ATRNL1: variants seen among roughly 807,000 people sequenced by gnomAD.
The protein encoded by ATRNL1 is attractin-like protein 1.
In ATRNL1, 95 loss-of-function variants were observed where a neutral mutation model predicts 182.7. That is an observed-to-expected ratio of 0.52 (90% CI 0.44 to 0.62). The LOEUF is 0.62. Among genes scored for constraint, ATRNL1 ranks in the 20% least tolerant of loss-of-function variants. The probability of loss-of-function intolerance (pLI) is 0.00; values close to 1 mark genes in which losing one functional copy is unlikely to be tolerated. For missense variants in ATRNL1, 1,471 were observed against 1,679.5 expected (o/e 0.88, Z 2.17); for synonymous variants, 576 against 568.3 (o/e 1.01, Z -0.19).
intron 26 of ATRNL1, among the ~76,000 whole-genome samples, chr10:115,661,677 A>G (rs1435106107): frequency 6.6e-6 from 1 of 152,194 alleles, no homozygotes; most frequent in Non-Finnish European, 1.5e-5. Flanking sequence ...TTTCTGTCAT[A>G]CTAAAATTTC....
At chr10:115,478,567 A>G (rs1468266496) in intron 24 of ATRNL1, among the ~76,000 whole-genome samples, 5 of 151,730 alleles carry the variant, frequency 3.3e-5, no homozygotes, top group Admixed American at 3.3e-4. Flanking sequence ...GACTGATAAA[A>G]TTCAATAATC....
chr10:115,765,258 T>C (rs1262360773), intron 27 of ATRNL1, among the ~76,000 whole-genome samples: 1 of 152,200 alleles, frequency 6.6e-6, no homozygotes, highest in Non-Finnish European at 1.5e-5. Flanking sequence ...CCTTCCAAAA[T>C]GACTTTACCA....
rs1157745862 is a variant in ATRNL1, at chr10:115,621,276, T to TAGAGAG, written c.3795+71773_3795+71778dup. Among the ~76,000 whole-genome samples, 308 of 47,502 alleles carry TAGAGAG rather than the reference T, an allele frequency of 6.5e-3. 5 individuals are homozygous for TAGAGAG. The highest frequency in any genetic ancestry group is 0.015 in the South Asian group (14 of 952). The allele number at this position is 47,502 out of a possible 152,430, so 31.2% of individuals were successfully genotyped here. On this transcript the variant is annotated intron_variant, in intron 26 of 28. Transcript: ENST00000355044. The stretch of plus-strand genomic sequence containing the variant: ...CTGAATATATATATATATATATATA[T>TAGAGAG]AGAGAGAGAGAGAGAGAGAGAGAGA...
At chr10:115,323,878 C>T (rs986494483) in intron 18 of ATRNL1, among the ~76,000 whole-genome samples, 1 of 151,310 alleles carries the variant, frequency 6.6e-6, no homozygotes, top group Non-Finnish European at 1.5e-5. Flanking sequence ...CCCGGGTTCA[C>T]GCCATTCTCC....
At chr10:115,200,292 A>C (rs1323722631) in intron 8 of ATRNL1, among the ~76,000 whole-genome samples, 1 of 148,828 alleles carries the variant, frequency 6.7e-6, no homozygotes, top group African/African-American at 2.5e-5. Flanking sequence ...TTAGTTACAT[A>C]TGTATACATG....
At chr10:115,894,782 A>G (rs1589659409) in intron 28 of ATRNL1, among the ~76,000 whole-genome samples, 1 of 152,222 alleles carries the variant, frequency 6.6e-6, no homozygotes, top group African/African-American at 2.4e-5. Context: ...GTACAAAGGC[A>G]ACCATAATGG....
intron 17 of ATRNL1, among the ~76,000 whole-genome samples, chr10:115,312,603 A>G (rs1854090432): frequency 6.6e-6 from 1 of 152,132 alleles, no homozygotes; most frequent in Admixed American, 6.6e-5. Flanking sequence ...TGTTTGTGCA[A>G]TGAATCTCTC....
chr10:115,544,969 T>C (rs1057069500), intron 25 of ATRNL1, among the ~76,000 whole-genome samples: 5 of 152,194 alleles, frequency 3.3e-5, no homozygotes, highest in African/African-American at 1.2e-4. Flanking sequence ...TGTTTGTATG[T>C]ATATTTTTTA....
At chr10:115,606,660 G>A (rs1856891025) in intron 26 of ATRNL1, among the ~76,000 whole-genome samples, 1 of 151,944 alleles carries the variant, frequency 6.6e-6, no homozygotes, top group Non-Finnish European at 1.5e-5. Flanking sequence ...AATGGGGCAA[G>A]GTTATTGAGC....
chr10:115,622,181 C>T (rs782450472), intron 26 of ATRNL1, among the ~76,000 whole-genome samples: 1 of 152,186 alleles, frequency 6.6e-6, no homozygotes, highest in Non-Finnish European at 1.5e-5. Context: ...AAGGGATTTG[C>T]ACTTCCAGGA....
intron 28 of ATRNL1, among the ~76,000 whole-genome samples, chr10:115,892,675 C>T (rs1232585990): frequency 6.6e-6 from 1 of 152,132 alleles, no homozygotes; most frequent in East Asian, 1.9e-4. Flanking sequence ...AGTCATAGCA[C>T]TGCATACTAC....
intron 28 of ATRNL1, among the ~76,000 whole-genome samples, chr10:115,912,416 T>A (rs79516967): frequency 9.0e-4 from 134 of 148,126 alleles, no homozygotes; most frequent in East Asian, 3.6e-3. Flanking sequence ...ATATATATAT[T>A]TGTGTGTGTG....
intron 26 of ATRNL1, among the ~76,000 whole-genome samples, chr10:115,572,346 T>C (rs782150654): frequency 2.1e-4 from 32 of 152,050 alleles, no homozygotes; most frequent in South Asian, 1.5e-3. Flanking sequence ...TAGGTGGTAA[T>C]AGAGGTGGAG....
intron 21 of ATRNL1, among the ~76,000 whole-genome samples, chr10:115,456,401 G>A (rs183904551): frequency 2.7e-4 from 41 of 152,140 alleles, no homozygotes; most frequent in Admixed American, 2.4e-3. Context: ...ACCAAACACC[G>A]CATGTTCTCA....
intron 19 of ATRNL1, among the ~76,000 whole-genome samples, chr10:115,379,412 A>T (rs1181611010): frequency 6.6e-6 from 1 of 152,176 alleles, no homozygotes; most frequent in East Asian, 1.9e-4. Context: ...AGCTCACAAA[A>T]AGTTAGCGTC....
intron 25 of ATRNL1, among the ~76,000 whole-genome samples, chr10:115,537,672 C>CT (rs1231842718): frequency 6.6e-6 from 1 of 152,004 alleles, no homozygotes. Context: ...AATTACTTGC[C>CT]TTTTTTTCCA....
chr10:115,718,873 A>G (rs1947333810), intron 26 of ATRNL1, among the ~76,000 whole-genome samples: 2 of 152,334 alleles, frequency 1.3e-5, no homozygotes, highest in South Asian at 2.1e-4. Context: ...TTTCTGGCAC[A>G]TGGTTCAGAA....
At chr10:115,186,820 A>G (rs1592229186) in intron 8 of ATRNL1, among the ~76,000 whole-genome samples, 5 of 152,284 alleles carry the variant, frequency 3.3e-5, no homozygotes, top group Admixed American at 3.3e-4. Flanking sequence ...ACATTTTAAA[A>G]TAATACAGTA....
chr10:115,205,309 TGCCTTCTAATTGACA>T (rs1277864985), intron 8 of ATRNL1, among the ~76,000 whole-genome samples: 1 of 151,946 alleles, frequency 6.6e-6, no homozygotes, highest in African/African-American at 2.4e-5. Context: ...TGGCAGATGT[TGCCTTCTAATTGACA>T]GTTTTAGACG....
Sources: gnomAD v4.1 joint callset for allele counts (sites outside exome capture counted in the v4.1 genomes callset) on GRCh38, gnomAD v4.1.1 for gene constraint, MANE v1.5 for transcripts, NCBI Gene and HGNC (gene_info 2026-07-23, HGNC 2026-07-21) for gene names.